Variants in PBX1 observed in about 807,000 individuals in gnomAD.
PBX1 encodes the protein pre-B-cell leukemia transcription factor 1.
A neutral mutation model predicts 53.4 loss-of-function variants in PBX1; 6 were observed. The ratio of observed to expected loss-of-function variants is 0.11; its 90% CI spans 0.06 to 0.22. The LOEUF is 0.22. Ranked by LOEUF, PBX1 falls within the 10% of genes least tolerant of loss-of-function variation. PBX1 has a pLI of 1.00. For synonymous variants in PBX1, 204 were observed against 212.3 expected, an observed-to-expected ratio of 0.96 and a Z score of 0.34; for missense variants, 251 against 551.4, an observed-to-expected ratio of 0.46 and a Z score of 5.46.
chr1:164,652,602 A>G (rs1032248583), intron 2 of PBX1, among the ~76,000 whole-genome samples: 4 of 152,170 alleles, frequency 2.6e-5, no homozygotes, highest in African/African-American at 9.6e-5. Flanking sequence ...TCCAGAATTC[A>G]GTGTTTTTCC....
intron 2 of PBX1, among the ~76,000 whole-genome samples, chr1:164,675,170 A>G (rs1423063881): frequency 6.6e-6 from 1 of 152,114 alleles, no homozygotes; most frequent in Non-Finnish European, 1.5e-5. Context: ...AGATGATGCC[A>G]CCAGATCTTT....
intron 2 of PBX1, among the ~76,000 whole-genome samples, chr1:164,871,253 G>A (rs1000927417): frequency 2.0e-5 from 3 of 152,218 alleles, no homozygotes; most frequent in African/African-American, 7.2e-5. Context: ...GTGTGCTGCA[G>A]GGGCTCAGAG....
At chr1:164,777,669 TCA>T (rs1414649584) in intron 2 of PBX1, among the ~76,000 whole-genome samples, 21 of 152,344 alleles carry the variant, frequency 1.4e-4, no homozygotes, top group Admixed American at 1.2e-3. Context: ...TACATCCCTG[TCA>T]CTTAAAGGCT....
At chr1:164,595,747 A>G (rs1428027325) in intron 2 of PBX1, among the ~76,000 whole-genome samples, 1 of 152,150 alleles carries the variant, frequency 6.6e-6, no homozygotes, top group Non-Finnish European at 1.5e-5. Context: ...ATTTAGTGTT[A>G]ATCAACAACA....
At chr1:164,816,882 G>A (rs1213056773) in intron 6 of PBX1, 1 of 151,484 alleles carries the variant, frequency 6.6e-6, no homozygotes, top group South Asian at 2.1e-4. Flanking sequence ...ACAAATTTAA[G>A]TCTCCTGAAG....
intron 7 of PBX1, among the ~76,000 whole-genome samples, chr1:164,821,014 A>G (rs1275563729): frequency 6.6e-6 from 1 of 152,172 alleles, no homozygotes; most frequent in Non-Finnish European, 1.5e-5. Context: ...TTGAAGTGAT[A>G]TGGTCAGGCT....
rs1672600853 is a variant in PBX1 at position 164,879,733 on chromosome 1, A to C, written n.258-19455A>C. ...TACCAAGGCATACTAAAGTAATGGG[A>C]GTGGATAATATGACCAGATAGATCT... On this transcript the variant is annotated intron_variant and non_coding_transcript_variant, in intron 2 of 2. Transcript: ENST00000558796. Among the ~76,000 whole-genome samples the C allele has an allele frequency of 2.0e-5, 3 of 152,238 alleles. No individual in the cohort carries two copies. The South Asian group carries it at 6.2e-4, about 32-fold the overall frequency.
At chr1:164,883,801 C>G (rs965657828) in intron 2 of PBX1, among the ~76,000 whole-genome samples, 1 of 152,124 alleles carries the variant, frequency 6.6e-6, no homozygotes, top group African/African-American at 2.4e-5. Context: ...ACAAATTAAT[C>G]TTAGATGCAC....
chr1:164,640,090 G>T (rs1430644438), intron 2 of PBX1, among the ~76,000 whole-genome samples: 1 of 152,168 alleles, frequency 6.6e-6, no homozygotes, highest in East Asian at 1.9e-4. Flanking sequence ...GTATTGACAA[G>T]ACTTGAATTT....
chr1:164,559,230 C>G lies in PBX1; in HGVS notation c.-593C>G, dbSNP rs1023409843. 7.1e-5 allele frequency: 13 copies of G among 182,494 alleles called. No individual in the cohort carries two copies. Among genetic ancestry groups the G allele is most frequent in the African/African-American group, 3.1e-4 (13 of 42,192 alleles). 11.3% of individuals were successfully genotyped at this position (182,494 alleles called of 1,614,324 possible). A position where few individuals can be genotyped will look rare whatever the true frequency, so the allele number is the denominator to read the frequency against. On this transcript the variant is annotated 5_prime_UTR_variant, in exon 1 of 9. Coordinates refer to ENST00000420696, the MANE Select transcript of PBX1 (RefSeq NM_002585.4). The stretch of plus-strand genomic sequence containing the variant: ...GGGGCTGCTGGAGTTTGCAGAGACA[C>G]GGAGGAGGAGAGAGCCTGTGCTTTG...
chr1:164,588,820 C>T (rs1386274531), intron 2 of PBX1, among the ~76,000 whole-genome samples: 2 of 152,156 alleles, frequency 1.3e-5, no homozygotes, highest in Non-Finnish European at 2.9e-5. Context: ...AGCTCAGCCC[C>T]CTTTATCCCT....
At chr1:164,864,418 G>A (rs369061757) in intron 2 of PBX1, among the ~76,000 whole-genome samples, 4 of 152,252 alleles carry the variant, frequency 2.6e-5, no homozygotes, top group South Asian at 4.2e-4. Context: ...TGTTGCCCAC[G>A]GAATGAACTG....
At chr1:164,592,847 T>C (rs1490540008) in intron 2 of PBX1, among the ~76,000 whole-genome samples, 1 of 152,222 alleles carries the variant, frequency 6.6e-6, no homozygotes, top group Non-Finnish European at 1.5e-5. Flanking sequence ...CCCTGGGTTT[T>C]CTGTCGTGAG....
chr1:164,763,483 G>C (rs1666910826), intron 2 of PBX1, among the ~76,000 whole-genome samples: 1 of 152,204 alleles, frequency 6.6e-6, no homozygotes, highest in Non-Finnish European at 1.5e-5. Context: ...AGTTACAAGG[G>C]AGTCTTGGAC....
intron 2 of PBX1, among the ~76,000 whole-genome samples, chr1:164,640,546 T>G (rs1330841330): frequency 1.6e-4 from 13 of 81,962 alleles, no homozygotes; most frequent in South Asian, 1.1e-3. Context: ...TTTTTTGGTG[T>G]TTTTTTTTTG....
intron 2 of PBX1, chr1:164,787,686 C>T (rs1267982572): frequency 2.0e-5 from 3 of 152,200 alleles, no homozygotes; most frequent in Non-Finnish European, 2.9e-5. Context: ...TCCCACAATG[C>T]TGTGACAGTC....
intron 2 of PBX1, among the ~76,000 whole-genome samples, chr1:164,654,237 C>T (rs1225240736): frequency 6.6e-6 from 1 of 152,118 alleles, no homozygotes; most frequent in Non-Finnish European, 1.5e-5. Context: ...ATCCAGGTTC[C>T]CTTACTTATA....
intron 2 of PBX1, among the ~76,000 whole-genome samples, chr1:164,698,571 T>C (rs1662922532): frequency 6.6e-6 from 1 of 152,078 alleles, no homozygotes; most frequent in Admixed American, 6.5e-5. Context: ...GCCTCCCGCA[T>C]CTGAAGTAGC....
intron 2 of PBX1, among the ~76,000 whole-genome samples, chr1:164,878,384 A>G (rs1672566416): frequency 6.6e-6 from 1 of 152,256 alleles, no homozygotes; most frequent in Admixed American, 6.5e-5. Flanking sequence ...GATGTCTCCT[A>G]GATCCTCAAT....
Sources: gnomAD v4.1 joint callset for allele counts (sites outside exome capture counted in the v4.1 genomes callset) on GRCh38, gnomAD v4.1.1 for gene constraint, MANE v1.5 for transcripts, NCBI Gene and HGNC (gene_info 2026-07-23, HGNC 2026-07-21) for gene names.